Variants in ENTPD7 observed in about 807,000 individuals in gnomAD.
ENTPD7 encodes ectonucleoside triphosphate diphosphohydrolase 7, also known as NTPDase 7.
In ENTPD7, 53 loss-of-function variants were observed where a neutral mutation model predicts 77.9. That is an observed-to-expected ratio of 0.68 (90% CI 0.55 to 0.85). The LOEUF (loss-of-function observed/expected upper bound fraction) is 0.85. Among genes scored for constraint, ENTPD7 ranks in the 40% least tolerant of loss-of-function variants. ENTPD7 has a pLI of 0.00. For missense variants in ENTPD7, 636 were observed against 743.7 expected, an observed-to-expected ratio of 0.86 and a Z score of 1.68; for synonymous variants, 248 against 274.9, an observed-to-expected ratio of 0.90 and a Z score of 0.97.
intron 3 of ENTPD7, among the ~76,000 whole-genome samples, chr10:99,668,898 G>C (rs964581051): frequency 2.6e-5 from 4 of 151,900 alleles, no homozygotes; most frequent in Non-Finnish European, 5.9e-5. Flanking sequence ...AATTATATCC[G>C]TACTTTGTGG....
intron 3 of ENTPD7, among the ~76,000 whole-genome samples, chr10:99,675,217 C>T (rs911456949): frequency 2.6e-5 from 4 of 152,046 alleles, no homozygotes; most frequent in African/African-American, 4.8e-5. Flanking sequence ...TTTGAACTTC[C>T]AAGTGAAAAT....
In ENTPD7 at chr10:99,706,564, G is replaced by A. The variant is rs547021061; in HGVS notation, c.*1881G>A. On this transcript the variant is annotated 3_prime_UTR_variant, in exon 13 of 13. Transcript: ENST00000370489. The stretch of plus-strand genomic sequence containing the variant: ...TGTCCAGGCTGGTCTCAAACTCTTG[G>A]GCTCAAGCAATCCTCCCACCTCAGC... 2.6e-5 allele frequency among the ~76,000 whole-genome samples: 4 copies of A among 151,720 alleles called. No individual in the cohort carries two copies. The highest frequency in any genetic ancestry group is 6.6e-5 in the Admixed American group (1 of 15,234).
At chr10:99,678,265 G>A (rs7918452) in intron 3 of ENTPD7, among the ~76,000 whole-genome samples, 61,913 of 150,580 alleles carry the variant, frequency 0.41, 12,911 homozygotes, top group East Asian at 0.61. Flanking sequence ...TCAGGAGATC[G>A]AGACCATCCT....
intron 11 of ENTPD7, among the ~76,000 whole-genome samples, chr10:99,702,268 C>T (rs931783763): frequency 7.5e-4 from 114 of 151,964 alleles, no homozygotes; most frequent in African/African-American, 2.7e-3. Context: ...TTAATATGCT[C>T]TCTGAAGATA....
At chr10:99,700,750 A>G in intron 10 of ENTPD7, 1 of 582,104 alleles carries the variant, frequency 1.7e-6, no homozygotes, top group Non-Finnish European at 3.1e-6. Context: ...CTGAAGCCTA[A>G]GAGGCTCAGA....
At chr10:99,668,096 G>A (rs141202508) in intron 3 of ENTPD7, among the ~76,000 whole-genome samples, 4,879 of 151,680 alleles carry the variant, frequency 0.032, 234 homozygotes, top group African/African-American at 0.11. Flanking sequence ...CACCATGCCC[G>A]GCTAATTTTT....
At chr10:99,667,712 G>A (rs2035567044) in intron 3 of ENTPD7, among the ~76,000 whole-genome samples, 1 of 152,142 alleles carries the variant, frequency 6.6e-6, no homozygotes, top group Admixed American at 6.5e-5. Context: ...AAATTGGAAT[G>A]GTGGGTGGGG....
intron 3 of ENTPD7, among the ~76,000 whole-genome samples, chr10:99,669,812 C>T (rs1191213064): frequency 3.4e-5 from 4 of 118,548 alleles, no homozygotes; most frequent in East Asian, 2.9e-4. Flanking sequence ...TGCAGTGGTG[C>T]GATCTCGGCT....
In ENTPD7 at chr10:99,706,558, C is replaced by G. The variant is rs2036258082; in HGVS notation, c.*1875C>G. Among the ~76,000 whole-genome samples the G allele has an allele frequency of 6.6e-6, 1 of 151,750 alleles. No individual in the cohort carries two copies. The highest frequency in any genetic ancestry group is 1.5e-5 in the Non-Finnish European group (1 of 67,956). ...CTGTGTTGTCCAGGCTGGTCTCAAA[C>G]TCTTGGGCTCAAGCAATCCTCCCAC... On this transcript the variant is annotated 3_prime_UTR_variant, in exon 13 of 13. Transcript: ENST00000370489.
Position 99,659,901 on chromosome 10 carries a change from T to C in ENTPD7, c.-56T>C. On this transcript the variant is annotated 5_prime_UTR_variant, in exon 2 of 13. Transcript: ENST00000370489. The surrounding 1 kb of genome is among the most constrained non-coding windows in gnomAD (Gnocchi z 4.1). ...AGATGCCTGGGACAAGGAGGCCACC[T>C]TCTCAGGGCAAAAGAAAAAGAAGGT... 6.2e-7 allele frequency: 1 copy of C among 1,613,584 alleles called. No individual in the cohort carries two copies. The highest frequency in any genetic ancestry group is 8.5e-7 in the Non-Finnish European group (1 of 1,179,738).
In ENTPD7 at chr10:99,696,070, G is replaced by C. The variant is rs1240586164; in HGVS notation, c.958G>C (p.Ala320Pro). 2 of 1,614,180 alleles carry C rather than the reference G, an allele frequency of 1.2e-6. No homozygotes were observed. Among genetic ancestry groups the C allele is most frequent in the South Asian group, 2.2e-5 (2 of 91,086 alleles). Reference protein sequence around the residue: ...TTFLGFGGNFARQRYEDLVLN... With the variant: ...TTFLGFGGNFPRQRYEDLVLN... ...TTTTCTGGGTTTCGGAGGCAACTTTGCCCGGCAGCGCTACGAAGACCTTGT... is the reference window on the plus strand; with the variant it reads ...TTTTCTGGGTTTCGGAGGCAACTTTCCCCGGCAGCGCTACGAAGACCTTGT... Residue 320 changes from alanine to proline, a missense_variant, in exon 9 of 13, where the codon GCC (alanine) becomes CCC (proline). By Grantham distance (27) the Ala-to-Pro change is conservative. Transcript: ENST00000370489.
At chr10:99,683,647 C>G (rs1300972189) in intron 5 of ENTPD7, among the ~76,000 whole-genome samples, 1 of 152,168 alleles carries the variant, frequency 6.6e-6, no homozygotes, top group African/African-American at 2.4e-5. Flanking sequence ...TATCCTGTCA[C>G]TATGTATACA....
rs1448864513 is a variant in ENTPD7 at position 99,688,753 on chromosome 10, GAGTAATATTGTCTTTTTATGAC to G, written c.709+7_709+28del. 3 of 1,613,802 alleles carry G rather than the reference GAGTAATATTGTCTTTTTATGAC, an allele frequency of 1.9e-6. No individual in the cohort carries two copies. Among genetic ancestry groups the G allele is most frequent in the East Asian group, 2.2e-5 (1 of 44,812 alleles). ...GGGAAGATTCGACCACGAGGATGGT[GAGTAATATTGTCTTTTTATGAC>G]AGTTTACCTAAGGGCTGAAGATTTA... On this transcript the variant is annotated splice_donor_5th_base_variant and intron_variant, in intron 7 of 12. Coordinates refer to ENST00000370489, the MANE Select transcript of ENTPD7 (RefSeq NM_020354.5).
rs1004896921 is a variant in ENTPD7 at position 99,708,427 on chromosome 10, G to A, written c.*3744G>A. ...TAAGGGAAAGAACAGTAGGCTTAACGAATAGCAGACCTGGATTCTAGTTCT... is the reference window on the plus strand; with the variant it reads ...TAAGGGAAAGAACAGTAGGCTTAACAAATAGCAGACCTGGATTCTAGTTCT... On this transcript the variant is annotated 3_prime_UTR_variant, in exon 13 of 13. Coordinates refer to ENST00000370489, the MANE Select transcript of ENTPD7 (RefSeq NM_020354.5). Among the ~76,000 whole-genome samples, 4 of 152,122 alleles carry A rather than the reference G, an allele frequency of 2.6e-5. No homozygotes were observed. Among genetic ancestry groups the A allele is most frequent in the Non-Finnish European group, 4.4e-5 (3 of 68,026 alleles).
At chr10:99,689,632 TA>T (rs1468655342) in intron 7 of ENTPD7, among the ~76,000 whole-genome samples, 1 of 152,238 alleles carries the variant, frequency 6.6e-6, no homozygotes, top group Non-Finnish European at 1.5e-5. Context: ...AGGAGTTTTG[TA>T]ATGTCTGGTT....
chr10:99,689,574 G>A (rs2035855326), intron 7 of ENTPD7, among the ~76,000 whole-genome samples: 1 of 152,184 alleles, frequency 6.6e-6, no homozygotes, highest in African/African-American at 2.4e-5. Context: ...AATTCCATCT[G>A]CAAGACTAAA....
At position 99,679,447 on chromosome 10, in the gene ENTPD7, G is replaced by T. The variant is rs1222673993; in HGVS notation, c.378G>T (p.Val126=). ...TGAGAGACCGCAACAGCCAACCAGTGGTTAAAAAAATCAAGCCAGGTACTA... is the reference window on the plus strand; with the variant it reads ...TGAGAGACCGCAACAGCCAACCAGTTGTTAAAAAAATCAAGCCAGGTACTA... ...KQMRDRNSQP[V]VKKIKPGISA... Residue 126 remains valine (V), a synonymous_variant, in exon 4 of 13, where the codon GTG becomes GTT. Coordinates refer to ENST00000370489, the MANE Select transcript of ENTPD7 (RefSeq NM_020354.5). The T allele has an allele frequency of 6.2e-7, 1 of 1,611,938 alleles. No individual in the cohort carries two copies.
intron 8 of ENTPD7, 45 bp downstream of exon 8, chr10:99,691,563 T>C: frequency 6.2e-7 from 1 of 1,606,588 alleles, no homozygotes; most frequent in Non-Finnish European, 8.5e-7. Flanking sequence ...AATGCTAGTA[T>C]TTGAGAAGGA....
intron 9 of ENTPD7, chr10:99,697,555 T>A (rs2036010055): frequency 1.3e-5 from 2 of 155,624 alleles, no homozygotes; most frequent in South Asian, 4.0e-4. Context: ...AAAAGGCATA[T>A]CTTGTGTAGC....
Sources: gnomAD v4.1 joint callset for allele counts (sites outside exome capture counted in the v4.1 genomes callset) on GRCh38, gnomAD v4.1.1 for gene constraint, Gnocchi (gnomAD v3.1) non-coding constraint, MANE v1.5 for transcripts, NCBI Gene and HGNC (gene_info 2026-07-23, HGNC 2026-07-21) for gene names.